Variants in SGCZ observed in about 807,000 individuals in gnomAD.
SGCZ encodes the protein zeta-sarcoglycan.
A neutral mutation model predicts 41.3 loss-of-function variants in SGCZ; 40 were observed. The observed-to-expected ratio is 0.97, with a 90% CI of 0.75 to 1.26. The LOEUF (loss-of-function observed/expected upper bound fraction) is 1.26. SGCZ is among the 50% of genes most tolerant of loss of function. The pLI is 0.00. For missense variants in SGCZ, 552 were observed against 369.8 expected (o/e 1.49, Z -4.04); for synonymous variants, 206 against 137.5 (o/e 1.50, Z -3.49).
intron 1 of SGCZ, among the ~76,000 whole-genome samples, chr8:14,763,849 G>C (rs1211088156): frequency 6.6e-6 from 1 of 152,208 alleles, no homozygotes. Context: ...TAAGGACACA[G>C]ATAGTTAGGA....
chr8:14,959,589 G>A (rs951833693), intron 1 of SGCZ, among the ~76,000 whole-genome samples: 2 of 151,998 alleles, frequency 1.3e-5, no homozygotes, highest in Admixed American at 6.6e-5. Context: ...GGGCTTTTTC[G>A]TTCTTCTCAG....
At chr8:14,607,875 G>C (rs1266431541) in intron 1 of SGCZ, among the ~76,000 whole-genome samples, 2 of 152,286 alleles carry the variant, frequency 1.3e-5, no homozygotes, top group East Asian at 1.9e-4. Context: ...GAAGGTGTTA[G>C]AGTACTACTC....
chr8:15,078,261 C>T (rs78160555), intron 1 of SGCZ, among the ~76,000 whole-genome samples: 1 of 145,464 alleles, frequency 6.9e-6, no homozygotes, highest in Non-Finnish European at 1.5e-5. Flanking sequence ...CAGATTTCAG[C>T]GAACTAAGCA....
chr8:14,794,079 G>C (rs777345806), intron 1 of SGCZ, among the ~76,000 whole-genome samples: 2 of 152,056 alleles, frequency 1.3e-5, no homozygotes, highest in Non-Finnish European at 2.9e-5. Context: ...TCATTAAGAA[G>C]CCTACAAAGA....
chr8:14,978,682 T>C (rs1455610345), intron 1 of SGCZ, among the ~76,000 whole-genome samples: 1 of 152,070 alleles, frequency 6.6e-6, no homozygotes, highest in East Asian at 1.9e-4. Context: ...TTGCATTCTA[T>C]GCTATGAAAT....
chr8:14,157,202 C>T (rs2116966715), intron 5 of SGCZ, among the ~76,000 whole-genome samples: 1 of 151,188 alleles, frequency 6.6e-6, no homozygotes, highest in East Asian at 1.9e-4. Context: ...ATCATAACCT[C>T]CTGGGACCAC....
intron 1 of SGCZ, among the ~76,000 whole-genome samples, chr8:14,623,499 G>A (rs971847143): frequency 2.0e-5 from 3 of 152,068 alleles, no homozygotes; most frequent in Non-Finnish European, 2.9e-5. Context: ...AATATATCCC[G>A]TGAAAAGGAC....
intron 1 of SGCZ, among the ~76,000 whole-genome samples, chr8:14,583,801 A>T (rs1211487425): frequency 6.7e-6 from 1 of 150,014 alleles, no homozygotes; most frequent in Non-Finnish European, 1.5e-5. Flanking sequence ...ATTCAATTTT[A>T]TTCAAAATAA....
At chr8:14,426,714 C>T (rs1337468033) in intron 2 of SGCZ, among the ~76,000 whole-genome samples, 1 of 151,942 alleles carries the variant, frequency 6.6e-6, no homozygotes, top group Non-Finnish European at 1.5e-5. Flanking sequence ...GGATAAAGAG[C>T]CTGAAACTCT....
intron 1 of SGCZ, among the ~76,000 whole-genome samples, chr8:14,845,090 C>T (rs573042530): frequency 6.6e-6 from 1 of 152,098 alleles, no homozygotes; most frequent in South Asian, 2.1e-4. Flanking sequence ...CAGTATTCAC[C>T]TGATCAGTAA....
chr8:14,912,078 T>C (rs1799295519), intron 1 of SGCZ, among the ~76,000 whole-genome samples: 1 of 126,130 alleles, frequency 7.9e-6, no homozygotes, highest in African/African-American at 4.3e-5. Context: ...TTACACCTAT[T>C]TGTTTCTGTT....
intron 1 of SGCZ, among the ~76,000 whole-genome samples, chr8:14,586,801 T>C (rs999940742): frequency 1.3e-5 from 2 of 152,158 alleles, no homozygotes; most frequent in East Asian, 1.9e-4. Context: ...CATAAATTAG[T>C]TCTTTGTTTT....
intron 3 of SGCZ, among the ~76,000 whole-genome samples, chr8:14,252,369 A>G (rs1037200079): frequency 4.6e-5 from 7 of 151,942 alleles, no homozygotes; most frequent in African/African-American, 1.2e-4. Flanking sequence ...TTTTTATTCC[A>G]TTGTTCATTT....
At chr8:14,141,996 GA>G (rs1803385062) in intron 5 of SGCZ, among the ~76,000 whole-genome samples, 1 of 152,162 alleles carries the variant, frequency 6.6e-6, no homozygotes, top group South Asian at 2.1e-4. Flanking sequence ...ATAAAAAATG[GA>G]TAAGTTCATG....
At chr8:14,760,589 C>T (rs1799834629) in intron 1 of SGCZ, among the ~76,000 whole-genome samples, 1 of 152,166 alleles carries the variant, frequency 6.6e-6, no homozygotes, top group South Asian at 2.1e-4. Context: ...CAGTGTACAA[C>T]TGGCAACTTA....
chr8:14,375,690 T>C (rs1214561513), intron 2 of SGCZ, among the ~76,000 whole-genome samples: 1 of 152,146 alleles, frequency 6.6e-6, no homozygotes, highest in Non-Finnish European at 1.5e-5. Flanking sequence ...TAACACCTCA[T>C]ACCCAAACAT....
At chr8:14,273,963 A>G (rs1800143663) in intron 3 of SGCZ, among the ~76,000 whole-genome samples, 1 of 152,160 alleles carries the variant, frequency 6.6e-6, no homozygotes, top group Non-Finnish European at 1.5e-5. Flanking sequence ...AATTTCCAAA[A>G]AGCAAACATT....
At chr8:14,773,579 T>G (rs1367695285) in intron 1 of SGCZ, among the ~76,000 whole-genome samples, 2 of 152,224 alleles carry the variant, frequency 1.3e-5, no homozygotes, top group African/African-American at 4.8e-5. Context: ...GCCCTTCTGC[T>G]GTGACACAGT....
intron 2 of SGCZ, among the ~76,000 whole-genome samples, chr8:14,424,079 G>T (rs1212171478): frequency 6.6e-6 from 1 of 152,146 alleles, no homozygotes; most frequent in Non-Finnish European, 1.5e-5. Flanking sequence ...ATATGTAGGA[G>T]GTCAATGAGT....
Sources: allele counts gnomAD v4.1 joint callset (sites outside exome capture counted in the v4.1 genomes callset), GRCh38; gene constraint gnomAD v4.1.1; transcripts MANE v1.5; gene names NCBI Gene and HGNC (gene_info 2026-07-23, HGNC 2026-07-21).